NRCAM: variants seen among roughly 807,000 people sequenced by gnomAD.
NRCAM encodes neuronal cell adhesion molecule, also known as NgCAM-related cell adhesion molecule.
A neutral mutation model predicts 156.5 loss-of-function variants in NRCAM; 83 were observed. The observed-to-expected ratio is 0.53, with a 90% CI of 0.44 to 0.64. NRCAM has a LOEUF of 0.64. Among genes scored for constraint, NRCAM ranks in the 30% least tolerant of loss-of-function variants. The pLI, the probability that NRCAM is intolerant of heterozygous loss-of-function variation, is 0.00. For missense variants in NRCAM, 1,417 were observed against 1,597.3 expected, an observed-to-expected ratio of 0.89 and a Z score of 1.92; for synonymous variants, 538 against 563.9, an observed-to-expected ratio of 0.95 and a Z score of 0.65.
At chr7:108,197,593 C>T (rs1217401648) in intron 14 of NRCAM, among the ~76,000 whole-genome samples, 1 of 152,136 alleles carries the variant, frequency 6.6e-6, no homozygotes, top group African/African-American at 2.4e-5. Flanking sequence ...TTTTAAAAAT[C>T]AGAATCATTG....
At chr7:108,455,827 G>A (rs1392225918) in intron 1 of NRCAM, among the ~76,000 whole-genome samples, 1 of 152,136 alleles carries the variant, frequency 6.6e-6, no homozygotes, top group East Asian at 1.9e-4. Flanking sequence ...CCGTGTCCAA[G>A]CCCGGGAAGC....
chr7:108,300,643 T>C (rs539856214), intron 3 of NRCAM, among the ~76,000 whole-genome samples: 2 of 152,310 alleles, frequency 1.3e-5, no homozygotes, highest in Non-Finnish European at 1.5e-5. Flanking sequence ...TGTAAGGTAA[T>C]GATAAAGGCA....
intron 1 of NRCAM, among the ~76,000 whole-genome samples, chr7:108,408,855 T>A (rs940459785): frequency 2.0e-5 from 3 of 152,158 alleles, no homozygotes; most frequent in Non-Finnish European, 2.9e-5. Flanking sequence ...AGAAATGTCC[T>A]CCTTGGGTTC....
At chr7:108,254,327 A>T (rs1283960207) in intron 3 of NRCAM, among the ~76,000 whole-genome samples, 1 of 152,202 alleles carries the variant, frequency 6.6e-6, no homozygotes, top group Non-Finnish European at 1.5e-5. Context: ...TCCAAAGAAG[A>T]TATACAAATA....
chr7:108,209,632 T>C, intron 11 of NRCAM, 27 bp from the exon 12 acceptor site: 3 of 1,513,546 alleles, frequency 2.0e-6, no homozygotes, highest in Non-Finnish European at 2.7e-6. Context: ...ATAATGATGT[T>C]ACAAAAAAGG....
chr7:108,452,448 G>A (rs190967691), intron 1 of NRCAM, among the ~76,000 whole-genome samples: 35 of 152,260 alleles, frequency 2.3e-4, no homozygotes, highest in African/African-American at 8.4e-4. Flanking sequence ...CCCAATAGAG[G>A]CTGTTTTAAA....
At position 108,427,317 on chromosome 7, in the gene NRCAM, C is replaced by T. The variant is rs567567798; in HGVS notation, c.-331-27724G>A. 4.6e-5 allele frequency among the ~76,000 whole-genome samples: 7 copies of T among 152,338 alleles called. No homozygotes were observed. The East Asian group carries it at 1.2e-3, about 25-fold the overall frequency. ...TTCTGGTGTGCTAGTCCTCACTCAA[C>T]TCCATGAGTTCCTAGAAAGCGAACA... On this transcript the variant is annotated intron_variant, in intron 1 of 32. Coordinates refer to ENST00000379028, the MANE Select transcript of NRCAM (RefSeq NM_001037132.4).
chr7:108,439,859 A>C (rs1836667402), intron 1 of NRCAM, among the ~76,000 whole-genome samples: 2 of 149,406 alleles, frequency 1.3e-5, no homozygotes, highest in Non-Finnish European at 3.0e-5. Flanking sequence ...AAAAAAGGAC[A>C]GGCAATACTA....
chr7:108,379,979 T>C (rs1454733150), intron 2 of NRCAM, among the ~76,000 whole-genome samples: 3 of 152,174 alleles, frequency 2.0e-5, no homozygotes, highest in Non-Finnish European at 2.9e-5. Flanking sequence ...GATGAAAGAC[T>C]TGAATTCACT....
chr7:108,408,981 C>G (rs557695448), intron 1 of NRCAM, among the ~76,000 whole-genome samples: 1 of 152,082 alleles, frequency 6.6e-6, no homozygotes, highest in Non-Finnish European at 1.5e-5. Context: ...GTGAATGGAG[C>G]CCTTAAGCTG....
At chr7:108,152,939 G>T (rs1336882115) in intron 32 of NRCAM, among the ~76,000 whole-genome samples, 1 of 152,154 alleles carries the variant, frequency 6.6e-6, no homozygotes, top group Non-Finnish European at 1.5e-5. Context: ...TGGAATAACA[G>T]AGAAAAAGAT....
intron 13 of NRCAM, among the ~76,000 whole-genome samples, chr7:108,198,417 T>G (rs1386056203): frequency 6.6e-6 from 1 of 152,122 alleles, no homozygotes; most frequent in Non-Finnish European, 1.5e-5. Flanking sequence ...ATACTTTAAG[T>G]TTTAGGGTAC....
At chr7:108,433,148 G>C (rs1468764977) in intron 1 of NRCAM, among the ~76,000 whole-genome samples, 1 of 152,134 alleles carries the variant, frequency 6.6e-6, no homozygotes, top group Non-Finnish European at 1.5e-5. Context: ...CTGTGCTTCT[G>C]TGTGTAGAAT....
intron 3 of NRCAM, among the ~76,000 whole-genome samples, chr7:108,263,306 TG>T (rs2096954580): frequency 6.6e-6 from 1 of 152,270 alleles, no homozygotes; most frequent in Non-Finnish European, 1.5e-5. Context: ...TTTTTCTTTT[TG>T]TGCAGAAATG....
intron 1 of NRCAM, among the ~76,000 whole-genome samples, chr7:108,419,545 AGT>A (rs1806356544): frequency 2.2e-4 from 3 of 13,662 alleles, no homozygotes; most frequent in South Asian, 0.011. Flanking sequence ...TGAGTTTGGC[AGT>A]ATATATAGAG....
Position 108,178,115 on chromosome 7 carries a change from T to G in NRCAM, c.2852-3A>C, listed in dbSNP as rs1406024115. The stretch of plus-strand genomic sequence containing the variant: ...CAAAGACGAGGGAGCACTGGGGACT[T>G]ACAGTGAGAACTTACAGTCAACACA... On this transcript the variant is annotated splice_region_variant and splice_polypyrimidine_tract_variant and intron_variant, in intron 25 of 32. Transcript: ENST00000379028. The G allele has an allele frequency of 6.2e-7, 1 of 1,609,606 alleles. No individual in the cohort carries two copies. The highest frequency in any genetic ancestry group is 8.5e-7 in the Non-Finnish European group (1 of 1,178,226).
At chr7:108,170,517 C>T (rs1050997718) in intron 28 of NRCAM, among the ~76,000 whole-genome samples, 1 of 152,180 alleles carries the variant, frequency 6.6e-6, no homozygotes, top group Admixed American at 6.5e-5. Context: ...AGAATGCAAC[C>T]GTTTGTCTCT....
At chr7:108,399,793 C>T (rs922699249) in intron 1 of NRCAM, among the ~76,000 whole-genome samples, 200 bp from the exon 2 acceptor site, 7 of 152,038 alleles carry the variant, frequency 4.6e-5, no homozygotes, top group Non-Finnish European at 8.8e-5. Flanking sequence ...TTAATAGGAA[C>T]AGGTAATGAA....
intron 11 of NRCAM, among the ~76,000 whole-genome samples, chr7:108,212,106 G>A (rs1362572304): frequency 1.3e-5 from 2 of 152,208 alleles, no homozygotes; most frequent in Admixed American, 1.3e-4. Context: ...GCCTGGAGAT[G>A]GGTAGACTTG....
Sources: gnomAD v4.1 joint callset for allele counts (sites outside exome capture counted in the v4.1 genomes callset) on GRCh38, gnomAD v4.1.1 for gene constraint, MANE v1.5 for transcripts, NCBI Gene and HGNC (gene_info 2026-07-23, HGNC 2026-07-21) for gene names.